PLCB1: variants seen among roughly 807,000 people sequenced by gnomAD.
PLCB1 encodes 1-phosphatidylinositol 4,5-bisphosphate phosphodiesterase beta-1.
A neutral mutation model predicts 161.8 loss-of-function variants in PLCB1; 46 were observed. That is an observed-to-expected ratio of 0.28 (90% CI 0.22 to 0.36). PLCB1 has a LOEUF of 0.36. Ranked by LOEUF, PLCB1 falls within the 10% of genes least tolerant of loss-of-function variation. PLCB1 has a pLI of 1.00. For missense variants in PLCB1, 1,016 were observed against 1,472.5 expected (o/e 0.69, Z 5.07); for synonymous variants, 517 against 503.7 (o/e 1.03, Z -0.35).
At chr20:8,174,864 G>C (rs932481807) in intron 2 of PLCB1, among the ~76,000 whole-genome samples, 8 of 152,012 alleles carry the variant, frequency 5.3e-5, no homozygotes, top group African/African-American at 1.9e-4. Context: ...GCCTGGCCAA[G>C]ATAGCAAATT....
intron 9 of PLCB1, among the ~76,000 whole-genome samples, chr20:8,663,365 AT>A (rs1360686190): frequency 5.3e-5 from 8 of 152,068 alleles, no homozygotes. Flanking sequence ...ATTTTACATA[AT>A]TTTTACATAA....
At chr20:8,187,003 A>G (rs2051913065) in intron 2 of PLCB1, among the ~76,000 whole-genome samples, 2 of 152,158 alleles carry the variant, frequency 1.3e-5, no homozygotes, top group Non-Finnish European at 2.9e-5. Flanking sequence ...AGAACTAAGC[A>G]GGCTGAGCAC....
chr20:8,578,884 C>A (rs898468598), intron 3 of PLCB1, among the ~76,000 whole-genome samples: 1 of 152,142 alleles, frequency 6.6e-6, no homozygotes, highest in African/African-American at 2.4e-5. Flanking sequence ...CATATACAGA[C>A]CCGAGTAAAT....
At chr20:8,461,474 T>G (rs982943296) in intron 3 of PLCB1, among the ~76,000 whole-genome samples, 4 of 152,176 alleles carry the variant, frequency 2.6e-5, no homozygotes, top group African/African-American at 9.7e-5. Flanking sequence ...AATACCTATC[T>G]CACAGAGTTG....
intron 27 of PLCB1, among the ~76,000 whole-genome samples, chr20:8,776,784 G>A (rs1982963636): frequency 1.3e-5 from 2 of 152,116 alleles, no homozygotes; most frequent in South Asian, 4.1e-4. Context: ...ATTGTAGAAG[G>A]ATGAGTCAGA....
At chr20:8,331,124 A>G (rs1985349405) in intron 2 of PLCB1, among the ~76,000 whole-genome samples, 1 of 152,242 alleles carries the variant, frequency 6.6e-6, no homozygotes, top group African/African-American at 2.4e-5. Context: ...TTAATAAAAC[A>G]AATAGACAAA....
At chr20:8,272,602 A>T (rs1006086949) in intron 2 of PLCB1, among the ~76,000 whole-genome samples, 6 of 151,912 alleles carry the variant, frequency 3.9e-5, no homozygotes, top group Admixed American at 3.3e-4. Flanking sequence ...ATTGACCTCG[A>T]GTATACCCAC....
rs541910253 is a variant in PLCB1 at position 8,788,772 on chromosome 20, T to C, written c.3278+50T>C. 11 of 1,221,562 alleles carry C rather than the reference T, an allele frequency of 9.0e-6. No individual in the cohort carries two copies. The East Asian group carries it at 2.4e-4, about 26-fold the overall frequency. 75.7% of individuals were successfully genotyped at this position (1,221,562 alleles called of 1,614,324 possible). On this transcript the variant is annotated intron_variant, in intron 29 of 31. Coordinates refer to ENST00000338037, the MANE Select transcript of PLCB1 (RefSeq NM_015192.4). ...CAAACAGTTCATCTGGGAATTATTTTATTTTGTACGTCAGAGTCACAGGTT... is the reference window on the plus strand; with the variant it reads ...CAAACAGTTCATCTGGGAATTATTTCATTTTGTACGTCAGAGTCACAGGTT...
intron 3 of PLCB1, among the ~76,000 whole-genome samples, chr20:8,405,758 C>T (rs1206087671): frequency 2.0e-5 from 3 of 152,178 alleles, no homozygotes; most frequent in African/African-American, 7.2e-5. Flanking sequence ...ACTACATAAA[C>T]TTCAATCTAA....
At chr20:8,145,307 A>G (rs2051442601) in intron 1 of PLCB1, among the ~76,000 whole-genome samples, 1 of 152,166 alleles carries the variant, frequency 6.6e-6, no homozygotes. Flanking sequence ...GACACCAGTC[A>G]TACTGGATTA....
At chr20:8,694,852 C>A (rs769623679) in intron 10 of PLCB1, among the ~76,000 whole-genome samples, 5 of 152,182 alleles carry the variant, frequency 3.3e-5, no homozygotes, top group African/African-American at 4.8e-5. Flanking sequence ...TCTGCAGGAG[C>A]AAGCATTTTA....
intron 2 of PLCB1, among the ~76,000 whole-genome samples, chr20:8,319,526 GA>G (rs111997224): frequency 0.1 from 15,223 of 145,936 alleles, 1,361 homozygotes; most frequent in African/African-American, 0.24. Context: ...TCTTGGCAAA[GA>G]AAAAAAAAAA....
At chr20:8,523,497 T>C (rs10558928) in intron 3 of PLCB1, among the ~76,000 whole-genome samples, 3 of 37,382 alleles carry the variant, frequency 8.0e-5, no homozygotes, top group Non-Finnish European at 1.5e-4. Context: ...TCTCTCTCTC[T>C]ATATATATAT....
chr20:8,657,783 A>G (rs1244090544), intron 8 of PLCB1, among the ~76,000 whole-genome samples: 1 of 152,160 alleles, frequency 6.6e-6, no homozygotes, highest in Non-Finnish European at 1.5e-5. Context: ...AGGAAAAAAA[A>G]GAAAGAAACC....
intron 2 of PLCB1, among the ~76,000 whole-genome samples, chr20:8,357,086 A>G (rs970126922): frequency 1.3e-5 from 2 of 152,200 alleles, no homozygotes; most frequent in African/African-American, 4.8e-5. Flanking sequence ...GGTGCTCAAA[A>G]CCTATGTTAA....
chr20:8,658,495 T>G, intron 8 of PLCB1, 43 bp from the exon 9 acceptor site: 1 of 1,445,876 alleles, frequency 6.9e-7, no homozygotes, highest in African/African-American at 1.4e-5. Flanking sequence ...GAATGAAACT[T>G]AGTTTAAAAA....
intron 9 of PLCB1, among the ~76,000 whole-genome samples, chr20:8,677,146 C>G (rs1268679698): frequency 6.6e-6 from 1 of 152,124 alleles, no homozygotes; most frequent in Non-Finnish European, 1.5e-5. Context: ...GTAATCCCAG[C>G]AATTTGGGAG....
chr20:8,393,549 T>C (rs1316445604), intron 3 of PLCB1, among the ~76,000 whole-genome samples: 3 of 151,926 alleles, frequency 2.0e-5, no homozygotes, highest in East Asian at 1.9e-4. Flanking sequence ...AGCTACTCAG[T>C]ATAGGCTGAG....
intron 3 of PLCB1, among the ~76,000 whole-genome samples, chr20:8,402,931 C>T (rs1978628457): frequency 6.6e-6 from 1 of 151,884 alleles, no homozygotes; most frequent in African/African-American, 2.4e-5. Context: ...ACAGTGTCAC[C>T]TCCTTATTTC....
Sources: allele counts gnomAD v4.1 joint callset (sites outside exome capture counted in the v4.1 genomes callset), GRCh38; gene constraint gnomAD v4.1.1; transcripts MANE v1.5; gene names NCBI Gene and HGNC (gene_info 2026-07-23, HGNC 2026-07-21).